Variants in GALK2 observed in about 807,000 individuals in gnomAD.
GALK2 encodes N-acetylgalactosamine kinase.
A neutral mutation model predicts 52.4 loss-of-function variants in GALK2; 36 were observed. The ratio of observed to expected loss-of-function variants is 0.69; its 90% CI spans 0.53 to 0.91. GALK2 has a LOEUF of 0.91. Ranked by LOEUF, GALK2 falls within the 40% of genes least tolerant of loss-of-function variation. GALK2 has a pLI of 0.00. For missense variants in GALK2, 579 were observed against 559.1 expected (o/e 1.04, Z -0.36); for synonymous variants, 176 against 199.1 (o/e 0.88, Z 0.98).
intron 8 of GALK2, among the ~76,000 whole-genome samples, chr15:49,312,429 C>T (rs920209957): frequency 6.6e-5 from 10 of 152,316 alleles, no homozygotes; most frequent in South Asian, 2.1e-4. Flanking sequence ...GCCTTGGAAT[C>T]TGGGACTTAA....
At chr15:49,158,347 TTGAA>T (rs1458855482) in intron 1 of GALK2, among the ~76,000 whole-genome samples, 2 of 152,246 alleles carry the variant, frequency 1.3e-5, no homozygotes, top group Admixed American at 6.5e-5. Flanking sequence ...AAGCATGTCT[TTGAA>T]TGTAGATTGG....
intron 5 of GALK2, among the ~76,000 whole-genome samples, chr15:49,270,025 T>G (rs1470234677): frequency 1.3e-5 from 2 of 152,334 alleles, no homozygotes; most frequent in Non-Finnish European, 2.9e-5. Context: ...CCATTCTTGC[T>G]CCCTCTTCTT....
At chr15:49,294,313 A>G (rs1317236413) in intron 8 of GALK2, among the ~76,000 whole-genome samples, 1 of 152,276 alleles carries the variant, frequency 6.6e-6, no homozygotes, top group East Asian at 1.9e-4. Flanking sequence ...CAGTAGATAC[A>G]GAGGCAGAAA....
chr15:49,245,859 A>T (rs1022073142), intron 5 of GALK2, among the ~76,000 whole-genome samples: 1 of 152,214 alleles, frequency 6.6e-6, no homozygotes, highest in African/African-American at 2.4e-5. Flanking sequence ...AGCATGAAAA[A>T]TGTTTAAACC....
At chr15:49,211,437 C>T (rs2088879632) in intron 2 of GALK2, among the ~76,000 whole-genome samples, 1 of 152,122 alleles carries the variant, frequency 6.6e-6, no homozygotes, top group South Asian at 2.1e-4. Flanking sequence ...TTTCTGAGCC[C>T]TCCAAACTGT....
At chr15:49,367,371 A>G (rs2045383665) in intron 3 of GALK2, 1 of 1,268,400 alleles carries the variant, frequency 7.9e-7, no homozygotes, top group Non-Finnish European at 1.1e-6. Flanking sequence ...TTGTTTCTCA[A>G]TTGAGACATT....
intron 5 of GALK2, among the ~76,000 whole-genome samples, chr15:49,275,183 T>C (rs2031451934): frequency 6.6e-6 from 1 of 152,214 alleles, no homozygotes; most frequent in African/African-American, 2.4e-5. Flanking sequence ...CTCTGAGCTA[T>C]GGTGTCACTA....
chr15:49,228,688 T>TATATATATA, intron 3 of GALK2, among the ~76,000 whole-genome samples: 1 of 10,452 alleles, frequency 9.6e-5, no homozygotes, highest in African/African-American at 3.4e-4. Flanking sequence ...TATATATATA[T>TATATATATA]TTTTTTTTTT....
At chr15:49,209,274 A>G (rs2088603494) in intron 2 of GALK2, among the ~76,000 whole-genome samples, 1 of 152,202 alleles carries the variant, frequency 6.6e-6, no homozygotes, top group Non-Finnish European at 1.5e-5. Flanking sequence ...TGTTGTGTAC[A>G]AGTAGAGACC....
At chr15:49,260,030 G>A (rs1242122841) in intron 5 of GALK2, among the ~76,000 whole-genome samples, 43 of 149,332 alleles carry the variant, frequency 2.9e-4, no homozygotes, top group African/African-American at 1.0e-3. Flanking sequence ...GAATAGTGCC[G>A]CAATAAACAT....
At chr15:49,203,236 A>G (rs1015938420) in intron 2 of GALK2, among the ~76,000 whole-genome samples, 1 of 151,976 alleles carries the variant, frequency 6.6e-6, no homozygotes, top group Non-Finnish European at 1.5e-5. Flanking sequence ...TTGTTAGTAG[A>G]GATGGGGTTT....
chr15:49,159,426 A>C (rs1361515426), intron 1 of GALK2, among the ~76,000 whole-genome samples: 1 of 152,038 alleles, frequency 6.6e-6, no homozygotes, highest in Non-Finnish European at 1.5e-5. Flanking sequence ...AAATACAAAA[A>C]AAAAATTATC....
chr15:49,169,581 G>A (rs1418904508), upstream of GALK2, among the ~76,000 whole-genome samples: 1 of 152,146 alleles, frequency 6.6e-6, no homozygotes, highest in Non-Finnish European at 1.5e-5. Context: ...GGAAAAGTTA[G>A]TGATGTACTA....
intron 3 of GALK2, among the ~76,000 whole-genome samples, chr15:49,352,913 C>T (rs1409886760): frequency 2.0e-5 from 3 of 152,186 alleles, no homozygotes; most frequent in African/African-American, 7.2e-5. Flanking sequence ...AGCTCTGTTA[C>T]ACTGGTGTTC....
chr15:49,162,725 A>C (rs2141152551), intron 1 of GALK2, among the ~76,000 whole-genome samples: 1 of 152,368 alleles, frequency 6.6e-6, no homozygotes, highest in Middle Eastern at 3.4e-3. Context: ...CATGTTGGGA[A>C]GGACAACACA....
At chr15:49,195,581 T>C (rs1287181929) in intron 1 of GALK2, among the ~76,000 whole-genome samples, 1 of 152,206 alleles carries the variant, frequency 6.6e-6, no homozygotes, top group Non-Finnish European at 1.5e-5. Flanking sequence ...CCTGTTACCT[T>C]AGTGAATTCT....
chr15:49,224,765 G>A (rs76418482), intron 3 of GALK2, among the ~76,000 whole-genome samples: 3,369 of 152,312 alleles, frequency 0.022, 102 homozygotes, highest in South Asian at 0.077. Flanking sequence ...GTTGGGTAAT[G>A]TGATAACTCC....
At chr15:49,319,229 C>T (rs1314067032) in intron 8 of GALK2, 15 of 350,772 alleles carry the variant, frequency 4.3e-5, no homozygotes, top group South Asian at 1.1e-4. Context: ...GCTGGGATTA[C>T]GGATGTGAGC....
At position 49,328,751 on chromosome 15, in the gene GALK2, C is replaced by G; in HGVS notation, c.*592C>G. On this transcript the variant is annotated 3_prime_UTR_variant, in exon 10 of 10. Coordinates refer to ENST00000560031, the MANE Select transcript of GALK2 (RefSeq NM_002044.4). ...ATAATTGAATTTGAATGTGAGATTT[C>G]TCCAGTTATCAAGAGACTAAGGATT... The G allele has an allele frequency of 6.7e-7, 1 of 1,488,630 alleles. No homozygotes were observed. The highest frequency in any genetic ancestry group is 9.0e-7 in the Non-Finnish European group (1 of 1,115,892). The allele number at this position is 1,488,630 out of a possible 1,614,324, so 92.2% of individuals were successfully genotyped here.
Sources: allele counts gnomAD v4.1 joint callset (sites outside exome capture counted in the v4.1 genomes callset), GRCh38; gene constraint gnomAD v4.1.1; transcripts MANE v1.5; gene names NCBI Gene and HGNC (gene_info 2026-07-23, HGNC 2026-07-21).